Variants in ELL2 observed in about 807,000 individuals in gnomAD.
ELL2 encodes the protein elongation factor for RNA polymerase II 2.
ELL2 carries 21 observed loss-of-function variants against 72.8 expected under a neutral mutation model. That is an observed-to-expected ratio of 0.29 (90% confidence interval 0.20 to 0.42). The LOEUF is 0.42. ELL2 is among the 10% of genes least tolerant of loss of function. The pLI is 1.00. For missense variants in ELL2, 568 were observed against 772.8 expected (o/e 0.73, Z 3.14); for synonymous variants, 266 against 283.2 (o/e 0.94, Z 0.61).
Position 95,913,910 on chromosome 5 carries a change from G to A in ELL2, c.342C>T (p.Cys114=), listed in dbSNP as rs372650283. The A allele has an allele frequency of 3.7e-6, 6 of 1,609,092 alleles. No individual in the cohort carries two copies. Among genetic ancestry groups the A allele is most frequent in the Non-Finnish European group, 5.1e-6 (6 of 1,177,982 alleles). The part of the protein sequence containing the change: ...FSSSGASQLN[C]LGFIQDKITV... ...TAATTTTATCTTGTATAAATCCCAG[G>A]CAATTGAGCTGGGAGGCTCCAGAGC... The change falls in exon 4 of 12, where the codon TGC becomes TGT. Residue 114 remains cysteine (C), a synonymous_variant. Transcript: ENST00000237853.
At chr5:95,890,348 T>C (rs549117914) in intron 10 of ELL2, among the ~76,000 whole-genome samples, 1 of 152,302 alleles carries the variant, frequency 6.6e-6, no homozygotes, top group East Asian at 1.9e-4. Context: ...ATCCATTGTC[T>C]CACGTAGGCT....
rs1479330694 is a variant in ELL2, at chr5:95,927,372, C to CACACACACACGTGTGTATATATAGACAT, written c.196-7855_196-7828dup. 1.0e-3 allele frequency among the ~76,000 whole-genome samples: 72 copies of CACACACACACGTGTGTATATATAGACAT among 71,280 alleles called. 14 individuals are homozygous for CACACACACACGTGTGTATATATAGACAT. Among genetic ancestry groups the CACACACACACGTGTGTATATATAGACAT allele is most frequent in the Non-Finnish European group, 1.5e-3 (62 of 40,286 alleles). The allele number at this position is 71,280 out of a possible 152,430, so 46.8% of individuals were successfully genotyped here. On this transcript the variant is annotated intron_variant, in intron 2 of 11. Transcript: ENST00000237853. ...ATGTGTATGTGTATATATAGACATA[C>CACACACACACGTGTGTATATATAGACAT]ACACACACACGTGTGTATATATAGA... is the stretch of plus-strand genomic sequence containing the variant.
chr5:95,942,883 A>G, intron 2 of ELL2, 119 bp downstream of exon 2: 1 of 594,368 alleles, frequency 1.7e-6, no homozygotes, highest in Non-Finnish European at 2.6e-6. Context: ...TCATTTAGTC[A>G]CAAAGCTCAC....
At chr5:95,947,973 G>A (rs904302153) in intron 1 of ELL2, among the ~76,000 whole-genome samples, 2 of 151,962 alleles carry the variant, frequency 1.3e-5, no homozygotes, top group African/African-American at 2.4e-5. Context: ...TGGAATAGTT[G>A]TATGTACTTA....
chr5:95,949,605 C>G (rs556437081), intron 1 of ELL2, among the ~76,000 whole-genome samples: 1 of 151,024 alleles, frequency 6.6e-6, no homozygotes, highest in African/African-American at 2.4e-5. Flanking sequence ...TTCAAGAATT[C>G]TTAAATTATT....
rs763840848 is a variant in ELL2, at chr5:95,888,842, T to C, written c.*29A>G. 1 of 1,472,780 alleles carries C rather than the reference T, an allele frequency of 6.8e-7. No homozygotes were observed. Among genetic ancestry groups the C allele is most frequent in the Non-Finnish European group, 9.2e-7 (1 of 1,082,792 alleles). The allele number at this position is 1,472,780 out of a possible 1,614,324, so 91.2% of individuals were successfully genotyped here. ...AATTTTAAATAAATAAGCTTAAGTT[T>C]ATTCACATCTTCTGGTCCAAGCAGA... On this transcript the variant is annotated 3_prime_UTR_variant, in exon 12 of 12. Transcript: ENST00000237853.
Position 95,885,357 on chromosome 5 carries a change from C to T in ELL2, c.*3514G>A, listed in dbSNP as rs575072466. On this transcript the variant is annotated 3_prime_UTR_variant, in exon 12 of 12. Coordinates refer to ENST00000237853, the MANE Select transcript of ELL2 (RefSeq NM_012081.6). ...CTCCTGTGGCCTTCAGTTAGTAGTG[C>T]CAGTTAATATTGTTTCTGAAAACTT... The T allele has an allele frequency of 5.9e-5, 9 of 152,272 alleles. No individual in the cohort carries two copies. The highest frequency in any genetic ancestry group is 5.9e-4 in the Admixed American group (9 of 15,292). 9.4% of individuals were successfully genotyped at this position (152,272 alleles called of 1,614,324 possible).
chr5:95,924,308 A>T (rs1369291428), intron 2 of ELL2, among the ~76,000 whole-genome samples: 5 of 152,168 alleles, frequency 3.3e-5, no homozygotes, highest in Non-Finnish European at 7.3e-5. Flanking sequence ...TACGAGGAGG[A>T]GGAAGTGAAA....
At chr5:95,931,792 T>G (rs1363443264) in intron 2 of ELL2, among the ~76,000 whole-genome samples, 2 of 40,748 alleles carry the variant, frequency 4.9e-5, no homozygotes, top group East Asian at 5.4e-4. Context: ...AAGTGCCCTA[T>G]CCATAAAAAA....
chr5:95,943,343 T>C (rs138284973), intron 1 of ELL2, among the ~76,000 whole-genome samples: 2 of 152,140 alleles, frequency 1.3e-5, no homozygotes, highest in Admixed American at 6.5e-5. Context: ...TTTCATTATA[T>C]ACTTTCTTTT....
chr5:95,944,053 T>A lies in ELL2; in HGVS notation c.148-1004A>T, dbSNP rs148587226. 8.6e-3 allele frequency among the ~76,000 whole-genome samples: 1,306 copies of A among 152,322 alleles called. 17 individuals carry two copies. The highest frequency in any genetic ancestry group is 0.03 in the African/African-American group (1,260 of 41,562). ...TGTACAAAAACAGTGGTTTCTGGTC[T>A]CATCTCTACCCCAAATAAAAATATA... On this transcript the variant is annotated intron_variant, in intron 1 of 11. Transcript: ENST00000237853.
chr5:95,937,048 C>A (rs986721840), intron 2 of ELL2, among the ~76,000 whole-genome samples: 32 of 152,322 alleles, frequency 2.1e-4, no homozygotes, highest in Admixed American at 2.1e-3. Context: ...AAGCTTAACT[C>A]ATTGCTAAGA....
chr5:95,888,996 GA>G lies in ELL2; in HGVS notation c.1807-10del, dbSNP rs199699795. ...TGGTAATTGGGACTAGACTGCAGAT[GA>G]AAAAAAAAAAAAAAAAAGAGGAATG... On this transcript the variant is annotated splice_polypyrimidine_tract_variant and intron_variant, in intron 11 of 11. Coordinates refer to ENST00000237853, the MANE Select transcript of ELL2 (RefSeq NM_012081.6). 224,669 of 1,182,340 alleles carry G rather than the reference GA, an allele frequency of 0.19. 9 individuals are homozygous for G. Among genetic ancestry groups the G allele is most frequent in the Middle Eastern group, 0.22 (893 of 4,052 alleles). 73.2% of individuals were successfully genotyped at this position (1,182,340 alleles called of 1,614,324 possible).
intron 1 of ELL2, among the ~76,000 whole-genome samples, chr5:95,946,277 T>C (rs1300323734): frequency 6.6e-6 from 1 of 152,122 alleles, no homozygotes; most frequent in Non-Finnish European, 1.5e-5. Flanking sequence ...CAGGGGATAG[T>C]GGACAGAGCA....
chr5:95,901,368 A>T (rs1749132768), intron 5 of ELL2, among the ~76,000 whole-genome samples: 1 of 152,246 alleles, frequency 6.6e-6, no homozygotes, highest in Admixed American at 6.5e-5. Flanking sequence ...GATTTTAAAA[A>T]AATCAATTAT....
intron 1 of ELL2, among the ~76,000 whole-genome samples, chr5:95,958,157 T>C (rs1377014178): frequency 2.0e-5 from 3 of 152,210 alleles, no homozygotes; most frequent in African/African-American, 4.8e-5. Flanking sequence ...GACAGTTTTA[T>C]ATGAGAAATT....
chr5:95,958,525 T>C (rs897479582), intron 1 of ELL2, among the ~76,000 whole-genome samples: 2 of 152,216 alleles, frequency 1.3e-5, no homozygotes, highest in African/African-American at 4.8e-5. Context: ...TTCCCAGTTT[T>C]CATCCAACTG....
At chr5:95,906,960 A>AAATTTG (rs1358039231) in intron 4 of ELL2, among the ~76,000 whole-genome samples, 178 bp from the exon 5 acceptor site, 1 of 152,186 alleles carries the variant, frequency 6.6e-6, no homozygotes, top group East Asian at 1.9e-4. Context: ...AAATGGTCTA[A>AAATTTG]AATTTGAATT....
intron 1 of ELL2, among the ~76,000 whole-genome samples, chr5:95,960,543 T>C (rs995120778): frequency 5.3e-5 from 8 of 152,058 alleles, no homozygotes; most frequent in African/African-American, 1.9e-4. Flanking sequence ...TGTGTGTCCA[T>C]GGGCTTCTCT....
Sources: gnomAD v4.1 joint callset for allele counts (sites outside exome capture counted in the v4.1 genomes callset) on GRCh38, gnomAD v4.1.1 for gene constraint, MANE v1.5 for transcripts, NCBI Gene and HGNC (gene_info 2026-07-23, HGNC 2026-07-21) for gene names.